LMO2: variants seen among roughly 807,000 people sequenced by gnomAD.
LMO2 encodes LIM domain only 2.
In LMO2, 20 loss-of-function variants were observed where a neutral mutation model predicts 23.2. The observed-to-expected ratio is 0.86, with a 90% CI of 0.61 to 1.25. LMO2 has a LOEUF of 1.25. Ranked by LOEUF, LMO2 falls within the 50% of genes most tolerant of loss-of-function variation. The probability of loss-of-function intolerance (pLI) is 0.00; values close to 1 mark genes in which losing one functional copy is unlikely to be tolerated. For missense variants in LMO2, 270 were observed against 315.3 expected (o/e 0.86, Z 1.09); for synonymous variants, 123 against 130.2 (o/e 0.94, Z 0.38).
At chr11:33,872,136 C>A (rs1857039904) in intron 2 of LMO2, among the ~76,000 whole-genome samples, 1 of 152,040 alleles carries the variant, frequency 6.6e-6, no homozygotes, top group African/African-American at 2.4e-5. Context: ...ACTAAAAATA[C>A]AAAAATTAGC....
intron 5 of LMO2, among the ~76,000 whole-genome samples, chr11:33,863,268 A>G (rs572135095): frequency 6.6e-6 from 1 of 152,328 alleles, no homozygotes; most frequent in South Asian, 2.1e-4. Flanking sequence ...AAGCATGATC[A>G]TTGCAAAATC....
At chr11:33,860,409 G>T (rs1258832328) in intron 5 of LMO2, among the ~76,000 whole-genome samples, 1 of 152,156 alleles carries the variant, frequency 6.6e-6, no homozygotes, top group Non-Finnish European at 1.5e-5. Context: ...CAGTGCAGTG[G>T]TTCTCAAAGT....
At chr11:33,890,932 G>T (rs1857531728) in intron 1 of LMO2, among the ~76,000 whole-genome samples, 1 of 152,164 alleles carries the variant, frequency 6.6e-6, no homozygotes, top group Non-Finnish European at 1.5e-5. Context: ...GACAGAAAAG[G>T]CTTCACAGAA....
intron 3 of LMO2, 36 bp from the exon 4 acceptor site, chr11:33,869,622 C>T (rs1311886692): frequency 1.6e-6 from 2 of 1,263,256 alleles, no homozygotes; most frequent in Non-Finnish European, 2.0e-6. Flanking sequence ...AATCACCGGG[C>T]TGCGGGCGCG....
chr11:33,864,612 C>G lies in LMO2; in HGVS notation c.454G>C (p.Asp152His). 6.2e-7 allele frequency: 1 copy of G among 1,613,198 alleles called. No homozygotes were observed. The highest frequency in any genetic ancestry group is 8.5e-7 in the Non-Finnish European group (1 of 1,179,710). ...YKLGRKLCRR[D>H]YLRLFGQDGL... ...TGCCGGGGAGGGTACCTGAGATAGTCTCTCCGGCAGAGCTTCCGGCCCAGT... is the reference window on the plus strand; with the variant it reads ...TGCCGGGGAGGGTACCTGAGATAGTGTCTCCGGCAGAGCTTCCGGCCCAGT... The change falls in exon 5 of 6, where the codon GAC (aspartate) becomes CAC (histidine). Residue 152 changes from aspartate (D) to histidine (H), a missense_variant. This residue lies in a region of LMO2 where 100 missense variants were observed against 153.3 expected (regional missense o/e 0.65). Coordinates refer to ENST00000257818, the MANE Select transcript of LMO2 (RefSeq NM_005574.4). This position sits in a 1 kb window ranked among gnomAD's most constrained non-coding sequence, Gnocchi z 4.8.
At position 33,864,813 on chromosome 11, in the gene LMO2, GT is replaced by G; in HGVS notation, c.252del (p.Glu84AspfsTer14). On this transcript the variant is annotated frameshift_variant, in exon 5 of 6. Coordinates refer to ENST00000257818, the MANE Select transcript of LMO2 (RefSeq NM_005574.4). LOFTEE classifies it high-confidence loss of function. The surrounding 1 kb of genome is among the most constrained non-coding windows in gnomAD (Gnocchi z 4.8). ...GGGATCTGCAGCACCTCATCCACTG[GT>G]TCCCTGGAGAGAAGGCCAAGCATCA... ...IERKSLDPSE[E>X]PVDEVLQIPP... 5 of 1,613,344 alleles carry G rather than the reference GT, an allele frequency of 3.1e-6. No individual in the cohort carries two copies. The highest frequency in any genetic ancestry group is 4.2e-6 in the Non-Finnish European group (5 of 1,179,940).
At chr11:33,885,153 G>A (rs930429140) in intron 1 of LMO2, among the ~76,000 whole-genome samples, 5 of 152,200 alleles carry the variant, frequency 3.3e-5, no homozygotes, top group African/African-American at 1.2e-4. Context: ...GTGCAGGTGA[G>A]TTTAGGTATT....
At chr11:33,871,430 T>C (rs1387212808) in intron 2 of LMO2, among the ~76,000 whole-genome samples, 1 of 151,602 alleles carries the variant, frequency 6.6e-6, no homozygotes, top group East Asian at 1.9e-4. Flanking sequence ...TAGCTGGGCG[T>C]GGTGGTGCTT....
At position 33,891,346 on chromosome 11, in the gene LMO2, A is replaced by AACACACACACACAC. The variant is rs57617009; in HGVS notation, c.-336+435_-336+448dup. Among the ~76,000 whole-genome samples the AACACACACACACAC allele has an allele frequency of 2.4e-3, 301 of 125,036 alleles. 1 individual carries two copies. Among genetic ancestry groups the AACACACACACACAC allele is most frequent in the African/African-American group, 8.7e-3 (280 of 32,004 alleles). 82.0% of individuals were successfully genotyped at this position (125,036 alleles called of 152,430 possible). The stretch of plus-strand genomic sequence containing the variant: ...CGTCATTGCCTAAGGTTGTTAGGCA[A>AACACACACACACAC]ACACACACACACACACACACACACA... On this transcript the variant is annotated intron_variant, in intron 1 of 5. Coordinates refer to ENST00000257818, the MANE Select transcript of LMO2 (RefSeq NM_005574.4).
chr11:33,861,573 G>A (rs923438123), intron 5 of LMO2, among the ~76,000 whole-genome samples: 11 of 152,204 alleles, frequency 7.2e-5, no homozygotes, highest in Non-Finnish European at 1.3e-4. Flanking sequence ...TGGTGGAGCT[G>A]CAGGTAACCG....
At chr11:33,889,743 G>T (rs929587896) in intron 1 of LMO2, among the ~76,000 whole-genome samples, 2 of 152,226 alleles carry the variant, frequency 1.3e-5, no homozygotes, top group Non-Finnish European at 2.9e-5. Flanking sequence ...ACAGTATGGA[G>T]ATTTGTCAGA....
chr11:33,877,848 T>C lies in LMO2; in HGVS notation c.-272+3976A>G, dbSNP rs1466226334. 2.9e-5 allele frequency among the ~76,000 whole-genome samples: 4 copies of C among 139,676 alleles called. No homozygotes were observed. In the East Asian group the frequency reaches 8.4e-4, roughly 29 times the overall value. The allele number at this position is 139,676 out of a possible 152,430, so 91.6% of individuals were successfully genotyped here. A position where few individuals can be genotyped will look rare whatever the true frequency, so the allele number is the denominator to read the frequency against. ...TAATGATGCTCCCTAGGAATGCCCA[T>C]TGTTGAGGGAGGTATCCTTTGGCAA... is the stretch of plus-strand genomic sequence containing the variant. On this transcript the variant is annotated intron_variant, in intron 2 of 5. Coordinates refer to ENST00000257818, the MANE Select transcript of LMO2 (RefSeq NM_005574.4).
chr11:33,869,661 C>T, intron 3 of LMO2, 49 bp downstream of exon 3: 1 of 1,258,532 alleles, frequency 7.9e-7, no homozygotes, highest in Non-Finnish European at 1.0e-6. Flanking sequence ...CCGGGGCGCG[C>T]AGCCTGGCTC....
chr11:33,871,127 A>C (rs1306460922), intron 2 of LMO2: 1 of 898,830 alleles, frequency 1.1e-6, no homozygotes, highest in African/African-American at 1.8e-5. Flanking sequence ...AGAGTTTACT[A>C]CTGCCTGCAT....
At chr11:33,859,708 G>A in intron 5 of LMO2, 133 bp from the exon 6 acceptor site, 1 of 719,076 alleles carries the variant, frequency 1.4e-6, no homozygotes, top group Non-Finnish European at 2.3e-6. Context: ...GGCTCCAGAA[G>A]GAGGGCCGGC....
At chr11:33,889,317 C>T (rs1349415291) in intron 1 of LMO2, among the ~76,000 whole-genome samples, 1 of 152,140 alleles carries the variant, frequency 6.6e-6, no homozygotes, top group Non-Finnish European at 1.5e-5. Flanking sequence ...TCTCTGAGTT[C>T]CTAGGGCTGC....
chr11:33,869,683 AGCTGCT>A (rs553052789), intron 3 of LMO2, 21 bp downstream of exon 3: 1 of 1,271,716 alleles, frequency 7.9e-7, no homozygotes, highest in Non-Finnish European at 1.0e-6. Flanking sequence ...AGGCGGCTGC[AGCTGCT>A]GCTGCTGCTC....
rs1856574166 is a variant in LMO2, at chr11:33,861,386, A to G, written c.465-1811T>C. Among the ~76,000 whole-genome samples, 6 of 152,178 alleles carry G rather than the reference A, an allele frequency of 3.9e-5. No individual in the cohort carries two copies. The South Asian group carries it at 1.2e-3, about 31-fold the overall frequency. On this transcript the variant is annotated intron_variant, in intron 5 of 5. Coordinates refer to ENST00000257818, the MANE Select transcript of LMO2 (RefSeq NM_005574.4). ...TGACACATTTTGCAATATTTGGGCGAGATTAATGGAATTGACAAGAGGTGG... is the reference window on the plus strand; with the variant it reads ...TGACACATTTTGCAATATTTGGGCGGGATTAATGGAATTGACAAGAGGTGG...
intron 5 of LMO2, among the ~76,000 whole-genome samples, chr11:33,863,429 A>G (rs543343494): frequency 4.6e-5 from 7 of 152,246 alleles, no homozygotes; most frequent in African/African-American, 1.4e-4. Context: ...TTTTGTTTCT[A>G]TAATGTAAAA....
Sources: allele counts gnomAD v4.1 joint callset (sites outside exome capture counted in the v4.1 genomes callset), GRCh38; gene constraint gnomAD v4.1.1; regional missense constraint gnomAD v4.1.1; non-coding constraint Gnocchi (gnomAD v3.1); transcripts MANE v1.5; gene names NCBI Gene and HGNC (gene_info 2026-07-23, HGNC 2026-07-21).